Variants in AUTS2 observed in about 807,000 individuals in gnomAD.
The protein encoded by AUTS2 is activator of transcription and developmental regulator AUTS2.
In AUTS2, 17 loss-of-function variants were observed where a neutral mutation model predicts 112.4. The observed-to-expected ratio is 0.15, with a 90% CI of 0.10 to 0.23. The LOEUF (loss-of-function observed/expected upper bound fraction) is 0.23. AUTS2 is among the 10% of genes least tolerant of loss of function. The pLI is 1.00. For synonymous variants in AUTS2, 751 were observed against 702.7 expected, an observed-to-expected ratio of 1.07 and a Z score of -1.09; for missense variants, 1,510 against 1,701.6, an observed-to-expected ratio of 0.89 and a Z score of 1.98.
At chr7:70,610,348 G>A (rs931786433) in intron 5 of AUTS2, among the ~76,000 whole-genome samples, 4 of 149,178 alleles carry the variant, frequency 2.7e-5, no homozygotes, top group East Asian at 2.0e-4. Flanking sequence ...CATAATGGCT[G>A]TACCAAGTTA....
At chr7:69,871,150 TC>T (rs1035959377) in intron 1 of AUTS2, among the ~76,000 whole-genome samples, 6 of 152,220 alleles carry the variant, frequency 3.9e-5, no homozygotes, top group Non-Finnish European at 8.8e-5. Flanking sequence ...GGACTGTCTT[TC>T]CCTTTCCTCC....
At chr7:70,342,554 C>T (rs977517827) in intron 4 of AUTS2, among the ~76,000 whole-genome samples, 5 of 152,104 alleles carry the variant, frequency 3.3e-5, no homozygotes, top group Admixed American at 2.0e-4. Context: ...GCACTAGCGA[C>T]ATGTGGCTGT....
rs549415930 is a variant in AUTS2 at position 70,018,414 on chromosome 7, C to T, written c.523-99718C>T. ...GACTGAAGGGTATACCAGGATCTAA[C>T]GATCAACTTCAACCACTCAGTTTTG... On this transcript the variant is annotated intron_variant, in intron 2 of 18. Transcript: ENST00000342771. 1.7e-4 allele frequency among the ~76,000 whole-genome samples: 26 copies of T among 152,260 alleles called. No homozygotes were observed. The South Asian group carries it at 5.4e-3, about 32-fold the overall frequency.
intron 5 of AUTS2, among the ~76,000 whole-genome samples, chr7:70,685,221 C>T (rs1182580889): frequency 2.6e-5 from 4 of 151,908 alleles, no homozygotes; most frequent in Non-Finnish European, 5.9e-5. Context: ...ACCTGTAACC[C>T]CAGCACTTTG....
chr7:69,900,365 T>A (rs972007835), intron 2 of AUTS2, among the ~76,000 whole-genome samples: 1 of 152,174 alleles, frequency 6.6e-6, no homozygotes, highest in African/African-American at 2.4e-5. Context: ...ACAGAGCAGG[T>A]GCTGCTAATT....
At chr7:70,188,681 C>T (rs1809728153) in intron 4 of AUTS2, among the ~76,000 whole-genome samples, 1 of 152,126 alleles carries the variant, frequency 6.6e-6, no homozygotes, top group East Asian at 1.9e-4. Flanking sequence ...GTCACTCTTA[C>T]CATCATCTAA....
intron 4 of AUTS2, among the ~76,000 whole-genome samples, chr7:70,249,858 A>T (rs988238381): frequency 1.2e-4 from 18 of 151,182 alleles, no homozygotes; most frequent in African/African-American, 4.1e-4. Context: ...TAAGTAAAAT[A>T]TTAATATTTT....
intron 18 of AUTS2, among the ~76,000 whole-genome samples, chr7:70,789,403 A>G (rs1791728057): frequency 6.6e-6 from 1 of 152,162 alleles, no homozygotes; most frequent in Non-Finnish European, 1.5e-5. Context: ...GGATTGCCAC[A>G]TCATTGCCTT....
At chr7:69,814,060 A>G (rs935681957) in intron 1 of AUTS2, among the ~76,000 whole-genome samples, 4 of 152,212 alleles carry the variant, frequency 2.6e-5, no homozygotes, top group Non-Finnish European at 5.9e-5. Context: ...CCTCAGAGTA[A>G]GTACAATTTC....
intron 2 of AUTS2, among the ~76,000 whole-genome samples, chr7:69,921,573 G>C (rs1053115221): frequency 3.3e-5 from 5 of 151,520 alleles, no homozygotes; most frequent in African/African-American, 1.2e-4. Flanking sequence ...TTTGAGACCA[G>C]CCTGGCCAAC....
At chr7:70,641,706 C>A (rs187952484) in intron 5 of AUTS2, among the ~76,000 whole-genome samples, 108 of 152,278 alleles carry the variant, frequency 7.1e-4, no homozygotes, top group Non-Finnish European at 1.2e-3. Flanking sequence ...CTGGCCTGCT[C>A]CCCAATTCTC....
At chr7:70,668,969 C>T (rs796465948) in intron 5 of AUTS2, among the ~76,000 whole-genome samples, 6 of 152,212 alleles carry the variant, frequency 3.9e-5, no homozygotes, top group African/African-American at 1.4e-4. Context: ...CCCTTACAGG[C>T]GAAGAGAGAA....
At chr7:69,999,996 C>T (rs1799112542) in intron 2 of AUTS2, among the ~76,000 whole-genome samples, 1 of 152,080 alleles carries the variant, frequency 6.6e-6, no homozygotes, top group Admixed American at 6.5e-5. Flanking sequence ...TGCACATGTG[C>T]ATTTTGTGTA....
At chr7:70,080,773 A>G (rs1056929561) in intron 2 of AUTS2, among the ~76,000 whole-genome samples, 11 of 152,202 alleles carry the variant, frequency 7.2e-5, no homozygotes, top group African/African-American at 1.9e-4. Flanking sequence ...AATGCACTAT[A>G]GGAAGGAAAC....
At chr7:70,753,983 C>T (rs557516848) in intron 6 of AUTS2, among the ~76,000 whole-genome samples, 20 of 151,122 alleles carry the variant, frequency 1.3e-4, no homozygotes, top group African/African-American at 4.9e-4. Context: ...GGTGAAACCC[C>T]GTCTCTATTA....
At chr7:70,158,914 T>C (rs1246507887) in intron 4 of AUTS2, among the ~76,000 whole-genome samples, 1 of 152,212 alleles carries the variant, frequency 6.6e-6, no homozygotes, top group East Asian at 1.9e-4. Context: ...CTACATATGA[T>C]ATGAGTATAT....
chr7:70,075,163 G>C (rs775173642), intron 2 of AUTS2, among the ~76,000 whole-genome samples: 8 of 152,140 alleles, frequency 5.3e-5, no homozygotes, highest in African/African-American at 1.2e-4. Flanking sequence ...CCTCCCACTG[G>C]ACATCAAAAG....
intron 5 of AUTS2, among the ~76,000 whole-genome samples, chr7:70,471,509 C>G (rs957079706): frequency 2.0e-5 from 3 of 152,260 alleles, no homozygotes; most frequent in South Asian, 2.1e-4. Flanking sequence ...ATCATTTTAT[C>G]AACCTCCCTA....
intron 2 of AUTS2, among the ~76,000 whole-genome samples, chr7:70,011,986 G>A (rs949882872): frequency 6.6e-6 from 1 of 152,082 alleles, no homozygotes; most frequent in African/African-American, 2.4e-5. Flanking sequence ...ACTGTGAGGT[G>A]GGACAGGCCT....
Sources: allele counts gnomAD v4.1 joint callset (sites outside exome capture counted in the v4.1 genomes callset), GRCh38; gene constraint gnomAD v4.1.1; transcripts MANE v1.5; gene names NCBI Gene and HGNC (gene_info 2026-07-23, HGNC 2026-07-21).